SCIN: variants seen among roughly 807,000 people sequenced by gnomAD.
SCIN encodes scinderin.
SCIN carries 91 observed loss-of-function variants against 91.8 expected under a neutral mutation model. That is an observed-to-expected ratio of 0.99 (90% confidence interval 0.84 to 1.18). SCIN has a LOEUF of 1.18. SCIN is among the 50% of genes most tolerant of loss of function. SCIN has a pLI of 0.00. For missense variants in SCIN, 1,087 were observed against 863.9 expected, an observed-to-expected ratio of 1.26 and a Z score of -3.24; for synonymous variants, 367 against 312.6, an observed-to-expected ratio of 1.17 and a Z score of -1.84.
intron 7 of SCIN, chr7:12,626,208 A>G (rs372866310): frequency 3.2e-6 from 1 of 312,638 alleles, no homozygotes; most frequent in Non-Finnish European, 5.8e-6. Context: ...ATCGAAATCA[A>G]TTTAGACCCT....
At chr7:12,605,212 T>C (rs1199846137) in intron 4 of SCIN, among the ~76,000 whole-genome samples, 5 of 152,048 alleles carry the variant, frequency 3.3e-5, no homozygotes, top group Admixed American at 2.6e-4. Flanking sequence ...CCACCATACC[T>C]GGCTAATTTT....
At position 12,581,240 on chromosome 7, in the gene SCIN, C is replaced by G. The variant is rs1392269080; in HGVS notation, c.516+19C>G. 1 of 1,546,082 alleles carries G rather than the reference C, an allele frequency of 6.5e-7. No individual in the cohort carries two copies. The highest frequency in any genetic ancestry group is 1.4e-5 in the African/African-American group (1 of 72,872). On this transcript the variant is annotated intron_variant, in intron 3 of 15. Coordinates refer to ENST00000297029, the MANE Select transcript of SCIN (RefSeq NM_001112706.3). ...TGGCACCGTAAGTTTCATATATACA[C>G]ATCGATGTCTAAAGAAAAGTGAATT...
At chr7:12,637,628 TAAG>T (rs1431825420) in intron 10 of SCIN, among the ~76,000 whole-genome samples, 4 of 147,836 alleles carry the variant, frequency 2.7e-5, no homozygotes, top group African/African-American at 5.1e-5. Context: ...ATGAGACAAG[TAAG>T]AAGGAGGAGA....
intron 3 of SCIN, among the ~76,000 whole-genome samples, chr7:12,602,056 C>A (rs138695906): frequency 3.3e-5 from 5 of 152,098 alleles, no homozygotes; most frequent in Non-Finnish European, 7.3e-5. Flanking sequence ...CAGATATCGG[C>A]GGAACCCGCT....
intron 9 of SCIN, 37 bp from the exon 10 acceptor site, chr7:12,636,008 A>C: frequency 6.6e-7 from 1 of 1,520,352 alleles, no homozygotes; most frequent in Non-Finnish European, 9.1e-7. Context: ...CTTAAAACTT[A>C]AAGGCAAGCT....
At chr7:12,575,340 T>C (rs1782348904) in intron 1 of SCIN, among the ~76,000 whole-genome samples, 1 of 129,956 alleles carries the variant, frequency 7.7e-6, no homozygotes, top group South Asian at 2.9e-4. Flanking sequence ...TTTGTATGCC[T>C]TTTTTTTCTT....
intron 10 of SCIN, among the ~76,000 whole-genome samples, chr7:12,638,196 C>A (rs1446210270): frequency 6.6e-6 from 1 of 152,154 alleles, no homozygotes; most frequent in East Asian, 1.9e-4. Context: ...TCTAGTGTGC[C>A]CCAATGTGTC....
chr7:12,574,729 T>A (rs565064344), intron 1 of SCIN, among the ~76,000 whole-genome samples: 6 of 152,270 alleles, frequency 3.9e-5, no homozygotes, highest in African/African-American at 1.4e-4. Context: ...CAATCTGTTT[T>A]AATCACGTTA....
chr7:12,571,620 A>G, intron 1 of SCIN: 1 of 463,870 alleles, frequency 2.2e-6, no homozygotes. Context: ...GCGTCCTCAG[A>G]TAGAAGTAAG....
chr7:12,582,436 T>G (rs1482511476), intron 3 of SCIN, among the ~76,000 whole-genome samples: 1 of 152,188 alleles, frequency 6.6e-6, no homozygotes, highest in African/African-American at 2.4e-5. Flanking sequence ...ATAAACTGCA[T>G]CAGTTTCTTT....
At chr7:12,621,164 C>CT (rs1783399886) in intron 4 of SCIN, among the ~76,000 whole-genome samples, 2 of 152,054 alleles carry the variant, frequency 1.3e-5, no homozygotes, top group Admixed American at 1.3e-4. Context: ...ATGTAAAGCC[C>CT]TTAAGTGTTG....
chr7:12,635,501 A>G (rs1014704991), intron 9 of SCIN, among the ~76,000 whole-genome samples: 1 of 148,282 alleles, frequency 6.7e-6, no homozygotes, highest in East Asian at 2.0e-4. Context: ...AATCCCAGGT[A>G]CTTGGGAGGC....
intron 5 of SCIN, among the ~76,000 whole-genome samples, chr7:12,624,310 A>G (rs971643899): frequency 4.6e-5 from 7 of 152,256 alleles, no homozygotes; most frequent in African/African-American, 1.4e-4. Flanking sequence ...ATTGAAAACC[A>G]GTAAATCCTA....
intron 11 of SCIN, among the ~76,000 whole-genome samples, chr7:12,643,193 A>T (rs1213257381): frequency 1.3e-5 from 2 of 152,040 alleles, no homozygotes; most frequent in Non-Finnish European, 2.9e-5. Context: ...ACCAGCTTTC[A>T]CATTCCCAAC....
At chr7:12,611,680 C>T (rs1783194436) in intron 4 of SCIN, among the ~76,000 whole-genome samples, 1 of 152,060 alleles carries the variant, frequency 6.6e-6, no homozygotes, top group African/African-American at 2.4e-5. Context: ...TTGTGAAAAT[C>T]CCTCTCACGA....
intron 3 of SCIN, among the ~76,000 whole-genome samples, chr7:12,584,677 C>T (rs968792): frequency 0.55 from 83,075 of 151,962 alleles, 23,533 homozygotes; most frequent in African/African-American, 0.71. Context: ...GAAATGTGGC[C>T]AGATCTTACC....
chr7:12,618,578 C>G (rs950020771), intron 4 of SCIN, among the ~76,000 whole-genome samples: 1 of 152,032 alleles, frequency 6.6e-6, no homozygotes, highest in Non-Finnish European at 1.5e-5. Context: ...GTGGGTGGAG[C>G]TGGCTAAATA....
chr7:12,649,860 G>A (rs117498311), intron 14 of SCIN, among the ~76,000 whole-genome samples: 2,389 of 152,240 alleles, frequency 0.016, 29 homozygotes, highest in Non-Finnish European at 0.018. Context: ...GCATTCGTGT[G>A]TACAGTGTCA....
intron 3 of SCIN, among the ~76,000 whole-genome samples, chr7:12,594,240 C>G (rs532484179): frequency 2.4e-4 from 37 of 151,836 alleles, no homozygotes; most frequent in Non-Finnish European, 4.3e-4. Context: ...TCATGATGCT[C>G]TGGTGGAGGA....
Sources: gnomAD v4.1 joint callset for allele counts (sites outside exome capture counted in the v4.1 genomes callset) on GRCh38, gnomAD v4.1.1 for gene constraint, MANE v1.5 for transcripts, NCBI Gene and HGNC (gene_info 2026-07-23, HGNC 2026-07-21) for gene names.